The following FBXW7 variants were observed in gnomAD, a reference collection of about 807,000 sequenced individuals.
FBXW7 encodes the protein F-box/WD repeat-containing protein 7.
Under a neutral mutation model 86.3 loss-of-function variants are expected in FBXW7, and 11 were observed. The observed-to-expected ratio is 0.13, with a 90% CI of 0.08 to 0.21. The LOEUF is 0.21. FBXW7 is among the 10% of genes least tolerant of loss of function. FBXW7 has a pLI of 1.00. For missense variants in FBXW7, 488 were observed against 847.4 expected (o/e 0.58, Z 5.27); for synonymous variants, 313 against 297.9 (o/e 1.05, Z -0.52).
At chr4:152,459,902 A>G (rs1742784749) in intron 2 of FBXW7, among the ~76,000 whole-genome samples, 1 of 152,244 alleles carries the variant, frequency 6.6e-6, no homozygotes, top group African/African-American at 2.4e-5. Flanking sequence ...AAAACTGTGG[A>G]TAAGGGGGAC....
intron 4 of FBXW7, among the ~76,000 whole-genome samples, chr4:152,388,483 T>C (rs768183800): frequency 6.6e-6 from 1 of 152,234 alleles, no homozygotes; most frequent in Non-Finnish European, 1.5e-5. Context: ...CTCTGATTTA[T>C]GGAATCAACA....
chr4:152,425,211 T>C (rs1739274439), intron 2 of FBXW7, among the ~76,000 whole-genome samples: 1 of 152,228 alleles, frequency 6.6e-6, no homozygotes, highest in Admixed American at 6.5e-5. Context: ...CAAGTTCATC[T>C]TCCTTACTGT....
At chr4:152,421,624 G>A (rs1355643559) in intron 2 of FBXW7, among the ~76,000 whole-genome samples, 1 of 152,194 alleles carries the variant, frequency 6.6e-6, no homozygotes, top group Non-Finnish European at 1.5e-5. Flanking sequence ...CCTAGCTTTT[G>A]CCCTGTCTCT....
intron 2 of FBXW7, among the ~76,000 whole-genome samples, chr4:152,446,607 A>C (rs1157808681): frequency 6.6e-6 from 1 of 152,234 alleles, no homozygotes; most frequent in Non-Finnish European, 1.5e-5. Flanking sequence ...GGCTCTTTAG[A>C]AAAGGCAGCT....
intron 2 of FBXW7, among the ~76,000 whole-genome samples, chr4:152,437,679 G>A (rs576299293): frequency 7.2e-5 from 11 of 152,214 alleles, no homozygotes; most frequent in South Asian, 6.2e-4. Context: ...AGCATCACAC[G>A]CTACAGAGAA....
At chr4:152,462,955 G>A (rs1237703761) in intron 2 of FBXW7, among the ~76,000 whole-genome samples, 1 of 142,738 alleles carries the variant, frequency 7.0e-6, no homozygotes, top group East Asian at 2.0e-4. Flanking sequence ...ATAGTACACT[G>A]AGTAATTTCT....
At chr4:152,534,069 T>C (rs1750247837) in intron 2 of FBXW7, among the ~76,000 whole-genome samples, 2 of 152,178 alleles carry the variant, frequency 1.3e-5, no homozygotes, top group Non-Finnish European at 2.9e-5. Context: ...ACCTTTAATT[T>C]GGTACTCTGA....
At chr4:152,338,848 C>T (rs866313615) in intron 6 of FBXW7, among the ~76,000 whole-genome samples, 1 of 152,076 alleles carries the variant, frequency 6.6e-6, no homozygotes, top group South Asian at 2.1e-4. Context: ...ATTTAAGTAC[C>T]ATTTTAAGAA....
chr4:152,518,374 C>G (rs1463391887), intron 2 of FBXW7, among the ~76,000 whole-genome samples: 2 of 152,126 alleles, frequency 1.3e-5, no homozygotes, highest in African/African-American at 4.8e-5. Context: ...TGGCTCACTA[C>G]AGTCTTGAAC....
At chr4:152,398,020 T>G (rs1313935611) in intron 4 of FBXW7, among the ~76,000 whole-genome samples, 2 of 151,988 alleles carry the variant, frequency 1.3e-5, no homozygotes, top group Non-Finnish European at 2.9e-5. Flanking sequence ...AGATACACTC[T>G]TTATCTCTTT....
At position 152,535,700 on chromosome 4, in the gene FBXW7, C is replaced by T. The variant is rs1289269025; in HGVS notation, c.-786G>A. 5.1e-6 allele frequency: 2 copies of T among 395,668 alleles called. No individual in the cohort carries two copies. Among genetic ancestry groups the T allele is most frequent in the African/African-American group, 2.1e-5 (1 of 48,450 alleles). 24.5% of individuals were successfully genotyped at this position (395,668 alleles called of 1,614,324 possible). A position where few individuals can be genotyped will look rare whatever the true frequency, so the allele number is the denominator to read the frequency against. On this transcript the variant is annotated 5_prime_UTR_variant, in exon 1 of 14. Transcript: ENST00000281708. ...CACCTTGGGGGTCTCGCCCCACGCC[C>T]CACGGGACGAGGCAGAAGCTCTGGC...
rs756518443 is a variant in FBXW7, at chr4:152,411,394, T to C, written c.410A>G (p.His137Arg). 1.9e-6 allele frequency: 3 copies of C among 1,613,666 alleles called. No individual in the cohort carries two copies. In the South Asian group the frequency reaches 3.3e-5, roughly 18 times the overall value. Reference protein sequence around the residue: ...QSDDSSREDEHTHTNSVTNSS... With the variant: ...QSDDSSREDERTHTNSVTNSS... The stretch of plus-strand genomic sequence containing the variant: ...GTTCGTGACACTGTTAGTATGTGTA[T>C]GTTCATCTTCTCTGCTACTATCATC... Residue 137 changes from histidine (H) to arginine (R), a missense_variant, in exon 4 of 14, where the codon CAT becomes CGT. His to Arg is a conservative substitution (Grantham distance 29). This residue lies in a region of FBXW7 where 230 missense variants were observed against 240.0 expected (regional missense o/e 0.96). Coordinates refer to ENST00000281708, the MANE Select transcript of FBXW7 (RefSeq NM_001349798.2).
rs1728547050 is a variant in FBXW7 at position 152,321,414 on chromosome 4, A to T, written c.*1467T>A. 4.3e-6 allele frequency: 1 copy of T among 232,942 alleles called. No individual in the cohort carries two copies. The highest frequency in any genetic ancestry group is 8.5e-6 in the Non-Finnish European group (1 of 117,588). 14.4% of individuals were successfully genotyped at this position (232,942 alleles called of 1,614,324 possible). A position where few individuals can be genotyped will look rare whatever the true frequency, so the allele number is the denominator to read the frequency against. Reference sequence around the variant, plus strand: ...TAACCAACTTGAATCTGATTGTTTTAAATCAGACTATAAATAAAACAAACA... The same window carrying T: ...TAACCAACTTGAATCTGATTGTTTTTAATCAGACTATAAATAAAACAAACA... On this transcript the variant is annotated 3_prime_UTR_variant, in exon 14 of 14. Transcript: ENST00000281708.
rs1737967350 is a variant in FBXW7 at position 152,411,529 on chromosome 4, G to A, written c.275C>T (p.Ser92Leu). ...TTCCTCTTGTTCTTCTTGGTTTCCTGAGGAGTCCTCATCTACCGAAATAAA... is the reference window on the plus strand; with the variant it reads ...TTCCTCTTGTTCTTCTTGGTTTCCTAAGGAGTCCTCATCTACCGAAATAAA... ...NRFISVDEDS[S>L]GNQEEQEEDE... is the part of the protein sequence containing the mutation. Residue 92 changes from serine (S) to leucine (L), a missense_variant, in exon 4 of 14, where the codon TCA becomes TTA. By Grantham distance (145) the Ser-to-Leu change is moderately radical (BLOSUM62 -2). Around this residue, in one of 4 missense-constraint regions of FBXW7, gnomAD observed 230 missense variants for 240.0 expected, o/e 0.96. Coordinates refer to ENST00000281708, the MANE Select transcript of FBXW7 (RefSeq NM_001349798.2). 6.2e-7 allele frequency: 1 copy of A among 1,613,762 alleles called. No homozygotes were observed. The highest frequency in any genetic ancestry group is 8.5e-7 in the Non-Finnish European group (1 of 1,179,918).
At chr4:152,481,863 T>G (rs1744913319) in intron 2 of FBXW7, among the ~76,000 whole-genome samples, 1 of 152,236 alleles carries the variant, frequency 6.6e-6, no homozygotes. Flanking sequence ...GAAAGTGATT[T>G]CTTTAGATGG....
intron 2 of FBXW7, among the ~76,000 whole-genome samples, chr4:152,423,235 TTTTAA>T (rs1292155568): frequency 6.6e-6 from 1 of 152,210 alleles, no homozygotes; most frequent in African/African-American, 2.4e-5. Flanking sequence ...TCTCATTTCT[TTTTAA>T]TTTATTAAAA....
chr4:152,362,828 C>CAAAAAAAAAAA (rs35796895), intron 4 of FBXW7, among the ~76,000 whole-genome samples: 7 of 79,110 alleles, frequency 8.8e-5, no homozygotes, highest in Admixed American at 1.5e-4. Context: ...CTCTCTCTCT[C>CAAAAAAAAAAA]AAAAAAAAAA....
chr4:152,436,066 A>G (rs2126965726), intron 2 of FBXW7, among the ~76,000 whole-genome samples: 1 of 152,332 alleles, frequency 6.6e-6, no homozygotes, highest in East Asian at 1.9e-4. Context: ...ACAAAACAAT[A>G]TTAAAATTAG....
chr4:152,448,574 T>C (rs1331639483), intron 2 of FBXW7, among the ~76,000 whole-genome samples: 2 of 152,178 alleles, frequency 1.3e-5, no homozygotes, highest in Non-Finnish European at 2.9e-5. Context: ...GAAATAATGC[T>C]GCAGCCACAG....
Sources: gnomAD v4.1 joint callset for allele counts (sites outside exome capture counted in the v4.1 genomes callset) on GRCh38, gnomAD v4.1.1 for gene constraint, gnomAD v4.1.1 regional missense constraint, MANE v1.5 for transcripts, NCBI Gene and HGNC (gene_info 2026-07-23, HGNC 2026-07-21) for gene names.